Variants in PGGT1B observed in about 807,000 individuals in gnomAD.
PGGT1B encodes the protein geranylgeranyl transferase type-1 subunit beta.
In PGGT1B, 30 loss-of-function variants were observed where a neutral mutation model predicts 46.1. That is an observed-to-expected ratio of 0.65 (90% CI 0.49 to 0.88). The LOEUF is 0.88. Among genes scored for constraint, PGGT1B ranks in the 40% least tolerant of loss-of-function variants. The probability of loss-of-function intolerance (pLI) is 0.00; values close to 1 mark genes in which losing one functional copy is unlikely to be tolerated. For missense variants in PGGT1B, 376 were observed against 455.9 expected, an observed-to-expected ratio of 0.82 and a Z score of 1.60; for synonymous variants, 170 against 160.0, an observed-to-expected ratio of 1.06 and a Z score of -0.47.
intron 6 of PGGT1B, among the ~76,000 whole-genome samples, chr5:115,229,323 A>G (rs1756900483): frequency 6.6e-6 from 1 of 152,116 alleles, no homozygotes; most frequent in African/African-American, 2.4e-5. Context: ...ATAATAACCT[A>G]TTTAAGATAT....
chr5:115,228,975 A>T (rs1756884991), intron 6 of PGGT1B, among the ~76,000 whole-genome samples: 1 of 152,186 alleles, frequency 6.6e-6, no homozygotes, highest in Admixed American at 6.6e-5. Context: ...GTACATTTGG[A>T]ACACTTTTCC....
chr5:115,229,937 A>C (rs1386711541), intron 6 of PGGT1B, among the ~76,000 whole-genome samples: 1 of 152,142 alleles, frequency 6.6e-6, no homozygotes, highest in Non-Finnish European at 1.5e-5. Flanking sequence ...CATACTCTAC[A>C]ACTACCTAAA....
intron 3 of PGGT1B, among the ~76,000 whole-genome samples, chr5:115,239,075 G>A (rs191035920): frequency 2.0e-4 from 31 of 151,272 alleles, no homozygotes; most frequent in Non-Finnish European, 3.7e-4. Flanking sequence ...GCTTTGCTCC[G>A]TCACCCAGGC....
rs146198166 is a variant in PGGT1B at position 115,256,291 on chromosome 5, A to C, written c.141-3036T>G. Among the ~76,000 whole-genome samples, 718 of 152,312 alleles carry C rather than the reference A, an allele frequency of 4.7e-3. 3 individuals carry two copies. The highest frequency in any genetic ancestry group is 0.016 in the African/African-American group (662 of 41,568). On this transcript the variant is annotated intron_variant, in intron 1 of 8. Coordinates refer to ENST00000419445, the MANE Select transcript of PGGT1B (RefSeq NM_005023.4). ...CTGGCCTAAAATGTTAATAGTGCTG[A>C]GGTTGAGAAAACCTGCTTTAAGGTC... is the stretch of plus-strand genomic sequence containing the variant.
intron 1 of PGGT1B, among the ~76,000 whole-genome samples, chr5:115,260,954 A>G (rs1452528518): frequency 6.6e-6 from 1 of 152,358 alleles, no homozygotes; most frequent in African/African-American, 2.4e-5. Flanking sequence ...AAATTAAATC[A>G]CAGACTTATA....
chr5:115,248,966 T>A (rs1390102218), intron 2 of PGGT1B, among the ~76,000 whole-genome samples: 2 of 152,238 alleles, frequency 1.3e-5, no homozygotes, highest in Admixed American at 1.3e-4. Flanking sequence ...TACGTATAGC[T>A]ATGAACTTTT....
chr5:115,262,619 C>A (rs1748612743), intron 1 of PGGT1B, 93 bp downstream of exon 1: 1 of 1,421,392 alleles, frequency 7.0e-7, no homozygotes, highest in East Asian at 2.5e-5. Flanking sequence ...CGCGCAGCCC[C>A]CTTCCGGCGC....
chr5:115,249,549 G>T (rs1747996880), intron 2 of PGGT1B, among the ~76,000 whole-genome samples: 1 of 152,114 alleles, frequency 6.6e-6, no homozygotes, highest in Non-Finnish European at 1.5e-5. Flanking sequence ...GGGAGTCAGG[G>T]TAGATCAGAA....
chr5:115,254,601 C>CT (rs57405842), intron 1 of PGGT1B, among the ~76,000 whole-genome samples: 99,885 of 143,256 alleles, frequency 0.7, 35,107 homozygotes, highest in African/African-American at 0.84. Flanking sequence ...GATTTCTTCT[C>CT]TTTTTTTTTT....
intron 2 of PGGT1B, among the ~76,000 whole-genome samples, chr5:115,243,021 T>A (rs1369160973): frequency 6.6e-6 from 1 of 152,106 alleles, no homozygotes; most frequent in Non-Finnish European, 1.5e-5. Flanking sequence ...GGTTCTCTTA[T>A]CCTAAGGACT....
chr5:115,251,994 G>A (rs757680340), intron 2 of PGGT1B, among the ~76,000 whole-genome samples: 3 of 152,036 alleles, frequency 2.0e-5, no homozygotes, highest in African/African-American at 2.4e-5. Context: ...GGACTAAGAC[G>A]TGGCCTCGGC....
At chr5:115,239,375 T>G (rs528583040) in intron 3 of PGGT1B, among the ~76,000 whole-genome samples, 1 of 152,178 alleles carries the variant, frequency 6.6e-6, no homozygotes, top group African/African-American at 2.4e-5. Context: ...GTCTCACAAA[T>G]GTACCAAGCA....
rs1756085625 is a variant in PGGT1B, at chr5:115,207,068, G to T, written c.*5334C>A. 6.6e-6 allele frequency: 1 copy of T among 150,616 alleles called. No individual in the cohort carries two copies. The highest frequency in any genetic ancestry group is 1.5e-5 in the Non-Finnish European group (1 of 67,506). 9.3% of individuals were successfully genotyped at this position (150,616 alleles called of 1,614,324 possible). The stretch of plus-strand genomic sequence containing the variant: ...GAGTTTTTTTAGTTTTCCTCATACA[G>T]ATTTTAGATGTGTCTTAAATTTACA... On this transcript the variant is annotated 3_prime_UTR_variant, in exon 9 of 9. Transcript: ENST00000419445.
intron 6 of PGGT1B, among the ~76,000 whole-genome samples, chr5:115,230,704 C>G (rs1435158803): frequency 6.6e-6 from 1 of 151,986 alleles, no homozygotes; most frequent in Middle Eastern, 3.2e-3. Context: ...AAGAAACAAT[C>G]CCAAGATATT....
intron 1 of PGGT1B, among the ~76,000 whole-genome samples, chr5:115,260,279 A>G (rs1748498589): frequency 6.6e-6 from 1 of 152,216 alleles, no homozygotes; most frequent in Admixed American, 6.5e-5. Context: ...CCAGTCTAAT[A>G]TTAGCCTTCT....
At chr5:115,228,766 C>G (rs1190818551) in intron 6 of PGGT1B, among the ~76,000 whole-genome samples, 1 of 151,878 alleles carries the variant, frequency 6.6e-6, no homozygotes, top group Non-Finnish European at 1.5e-5. Flanking sequence ...GGAAGTAGGA[C>G]AAGTGGAATG....
At chr5:115,234,024 T>C (rs930849801) in intron 5 of PGGT1B, among the ~76,000 whole-genome samples, 1 of 151,906 alleles carries the variant, frequency 6.6e-6, no homozygotes, top group Admixed American at 6.6e-5. Context: ...AATTGCAAAA[T>C]ATATGCTCTA....
intron 3 of PGGT1B, among the ~76,000 whole-genome samples, chr5:115,240,377 T>C (rs1757312098): frequency 6.6e-6 from 1 of 152,216 alleles, no homozygotes; most frequent in South Asian, 2.1e-4. Context: ...ATATATAGTA[T>C]AGTACTATAT....
At chr5:115,231,168 G>C (rs1267201860) in intron 5 of PGGT1B, 147 bp from the exon 6 acceptor site, 1 of 508,382 alleles carries the variant, frequency 2.0e-6, no homozygotes, top group Non-Finnish European at 3.5e-6. Context: ...TTTCCCCATG[G>C]AGAAGTAGAA....
Sources: allele counts gnomAD v4.1 joint callset (sites outside exome capture counted in the v4.1 genomes callset), GRCh38; gene constraint gnomAD v4.1.1; transcripts MANE v1.5; gene names NCBI Gene and HGNC (gene_info 2026-07-23, HGNC 2026-07-21).